The following MCC variants were observed in gnomAD, a reference collection of about 807,000 sequenced individuals.
MCC encodes the protein colorectal mutant cancer protein.
In MCC, 90 loss-of-function variants were observed where a neutral mutation model predicts 116.2. The observed-to-expected ratio is 0.77, with a 90% CI of 0.65 to 0.92. MCC has a LOEUF of 0.92. MCC is among the 40% of genes least tolerant of loss of function. The probability of loss-of-function intolerance (pLI) is 0.00; values close to 1 mark genes in which losing one functional copy is unlikely to be tolerated. For missense variants in MCC, 1,516 were observed against 1,312.2 expected (o/e 1.16, Z -2.40); for synonymous variants, 578 against 510.5 (o/e 1.13, Z -1.78).
chr5:113,067,334 C>A (rs1361807164), intron 13 of MCC, among the ~76,000 whole-genome samples: 4 of 152,146 alleles, frequency 2.6e-5, no homozygotes, highest in African/African-American at 7.2e-5. Context: ...GGAGACCTGG[C>A]AGGGGAAACC....
At chr5:113,161,620 A>G (rs1439258177) in intron 3 of MCC, among the ~76,000 whole-genome samples, 2 of 148,444 alleles carry the variant, frequency 1.3e-5, no homozygotes, top group Non-Finnish European at 1.5e-5. Context: ...GTTTAGATTT[A>G]TGTGTGTGTG....
At chr5:113,156,849 G>C (rs1004832906) in intron 3 of MCC, among the ~76,000 whole-genome samples, 3 of 152,190 alleles carry the variant, frequency 2.0e-5, no homozygotes, top group African/African-American at 4.8e-5. Context: ...CTGTCAAAAT[G>C]GTTATTTTTG....
chr5:113,191,562 C>A (rs2150313997), intron 3 of MCC, among the ~76,000 whole-genome samples: 1 of 152,244 alleles, frequency 6.6e-6, no homozygotes, highest in East Asian at 1.9e-4. Flanking sequence ...TGCAAGGGAA[C>A]TGAAGATGAT....
At chr5:113,381,983 A>T (rs3857435) in intron 2 of MCC, among the ~76,000 whole-genome samples, 95,804 of 152,088 alleles carry the variant, frequency 0.63, 32,828 homozygotes, top group African/African-American at 0.91. Flanking sequence ...CTGGGTCAAA[A>T]TCCAAAGATT....
intron 5 of MCC, among the ~76,000 whole-genome samples, chr5:113,139,374 A>C (rs1367074507): frequency 6.6e-6 from 1 of 152,172 alleles, no homozygotes; most frequent in Non-Finnish European, 1.5e-5. Flanking sequence ...TAACATACTC[A>C]ATCCAGAATC....
intron 3 of MCC, among the ~76,000 whole-genome samples, chr5:113,306,059 A>C (rs1766977249): frequency 6.6e-6 from 1 of 152,152 alleles, no homozygotes; most frequent in Admixed American, 6.6e-5. Flanking sequence ...TTCAAGTTTT[A>C]TCCATGTTGT....
chr5:113,029,513 C>G (rs1362045856), intron 17 of MCC, among the ~76,000 whole-genome samples: 3 of 151,938 alleles, frequency 2.0e-5, no homozygotes, highest in African/African-American at 4.8e-5. Context: ...CCAACATGAT[C>G]CCACCTTGCC....
Position 113,079,103 on chromosome 5 carries a change from G to A in MCC, c.1784+3757C>T, listed in dbSNP as rs189527219. On this transcript the variant is annotated intron_variant, in intron 11 of 18. Coordinates refer to ENST00000408903, the MANE Select transcript of MCC (RefSeq NM_001085377.2). ...AATACCTAGGAATCCAACTTACAAGGGATGTGAAGGACCTCTTCAAGGAGA... is the reference window on the plus strand; with the variant it reads ...AATACCTAGGAATCCAACTTACAAGAGATGTGAAGGACCTCTTCAAGGAGA... Among the ~76,000 whole-genome samples, 86 of 152,236 alleles carry A rather than the reference G, an allele frequency of 5.6e-4. 2 individuals are homozygous for A. Among genetic ancestry groups the A allele is most frequent in the African/African-American group, 2.0e-3 (82 of 41,520 alleles).
chr5:113,383,137 AT>A (rs34256945), intron 2 of MCC, among the ~76,000 whole-genome samples: 26,184 of 151,958 alleles, frequency 0.17, 2,467 homozygotes, highest in Non-Finnish European at 0.22. Context: ...CACATAAACA[AT>A]TTTTTTTCAC....
chr5:113,076,387 A>C (rs1754456608), intron 11 of MCC, among the ~76,000 whole-genome samples: 1 of 152,232 alleles, frequency 6.6e-6, no homozygotes, highest in African/African-American at 2.4e-5. Flanking sequence ...ATGAAGGAAA[A>C]AAATGTTAAG....
intron 3 of MCC, among the ~76,000 whole-genome samples, chr5:113,327,146 C>T (rs1401407676): frequency 6.6e-6 from 1 of 152,028 alleles, no homozygotes; most frequent in South Asian, 2.1e-4. Context: ...AGCTTCAGAT[C>T]TGGGATAAAG....
At chr5:113,291,825 G>A (rs1389863078) in intron 3 of MCC, among the ~76,000 whole-genome samples, 2 of 152,198 alleles carry the variant, frequency 1.3e-5, no homozygotes, top group Non-Finnish European at 2.9e-5. Flanking sequence ...CAAACGAATT[G>A]TATTTGAATC....
chr5:113,045,051 C>T (rs373791806), intron 16 of MCC, among the ~76,000 whole-genome samples: 11 of 152,308 alleles, frequency 7.2e-5, no homozygotes, highest in African/African-American at 1.9e-4. Flanking sequence ...CACCTACCTG[C>T]GCTCAGAGAT....
At chr5:113,130,112 A>G in intron 5 of MCC, among the ~76,000 whole-genome samples, 1 of 151,470 alleles carries the variant, frequency 6.6e-6, no homozygotes, top group Non-Finnish European at 1.5e-5. Flanking sequence ...TAGACTGGAT[A>G]AAAAAAATGT....
chr5:113,249,221 T>C (rs1169728870), intron 3 of MCC, among the ~76,000 whole-genome samples: 6 of 152,076 alleles, frequency 3.9e-5, no homozygotes, highest in Admixed American at 2.0e-4. Context: ...TGAGCTGATA[T>C]GGAAGAAAAC....
chr5:113,255,371 G>A (rs1163921287), intron 3 of MCC, among the ~76,000 whole-genome samples: 1 of 152,194 alleles, frequency 6.6e-6, no homozygotes, highest in African/African-American at 2.4e-5. Context: ...TGATTGGACA[G>A]AAGGGTAAAA....
At chr5:113,075,651 C>G (rs375996651) in intron 11 of MCC, among the ~76,000 whole-genome samples, 7 of 152,188 alleles carry the variant, frequency 4.6e-5, no homozygotes, top group African/African-American at 1.4e-4. Flanking sequence ...ACAGACCAAT[C>G]AGCTCTCTGT....
intron 3 of MCC, chr5:113,295,004 T>G: frequency 2.0e-6 from 2 of 977,962 alleles, no homozygotes; most frequent in Non-Finnish European, 2.4e-6. Context: ...GAGGCGGGGC[T>G]AGAGGGAGAA....
chr5:113,235,556 A>C (rs1764097694), intron 3 of MCC, among the ~76,000 whole-genome samples: 1 of 152,208 alleles, frequency 6.6e-6, no homozygotes, highest in African/African-American at 2.4e-5. Context: ...GTGGGGAAAC[A>C]CAAATAAAAT....
Sources: allele counts gnomAD v4.1 joint callset (sites outside exome capture counted in the v4.1 genomes callset), GRCh38; gene constraint gnomAD v4.1.1; transcripts MANE v1.5; gene names NCBI Gene and HGNC (gene_info 2026-07-23, HGNC 2026-07-21).